ROBO2: variants seen among roughly 807,000 people sequenced by gnomAD.
The protein encoded by ROBO2 is roundabout homolog 2.
ROBO2 carries 53 observed loss-of-function variants against 160.8 expected under a neutral mutation model. The ratio of observed to expected loss-of-function variants is 0.33; its 90% CI spans 0.26 to 0.41. ROBO2 has a LOEUF of 0.41. ROBO2 is among the 10% of genes least tolerant of loss of function. The probability of loss-of-function intolerance (pLI) is 1.00; values close to 1 mark genes in which losing one functional copy is unlikely to be tolerated. For missense variants in ROBO2, 1,577 were observed against 1,722.4 expected (o/e 0.92, Z 1.49); for synonymous variants, 664 against 611.7 (o/e 1.09, Z -1.26).
intron 2 of ROBO2, among the ~76,000 whole-genome samples, chr3:76,268,426 T>C (rs868156929): frequency 1.1e-4 from 16 of 152,190 alleles, no homozygotes; most frequent in African/African-American, 3.9e-4. Context: ...CTCGCATTTC[T>C]GGAGAATGGA....
chr3:77,149,210 A>T (rs1553798729), intron 2 of ROBO2, among the ~76,000 whole-genome samples: 1 of 151,140 alleles, frequency 6.6e-6, no homozygotes, highest in Non-Finnish European at 1.5e-5. Context: ...AATTTTTTGT[A>T]TTTTTTAGTA....
intron 2 of ROBO2, among the ~76,000 whole-genome samples, chr3:76,274,135 T>C (rs1208935849): frequency 6.6e-6 from 1 of 152,126 alleles, no homozygotes; most frequent in East Asian, 1.9e-4. Flanking sequence ...TTATCGTGAG[T>C]TTTGGATGGG....
intron 2 of ROBO2, among the ~76,000 whole-genome samples, chr3:77,311,965 AAT>A (rs2063578938): frequency 6.6e-6 from 1 of 152,116 alleles, no homozygotes; most frequent in African/African-American, 2.4e-5. Context: ...GCATACCTGT[AAT>A]CCCAGCTACT....
intron 2 of ROBO2, among the ~76,000 whole-genome samples, chr3:76,085,116 T>C (rs6809914): frequency 0.3 from 40,859 of 135,588 alleles, 7,387 homozygotes; most frequent in African/African-American, 0.57. Context: ...TATATATATA[T>C]ACACACACAC....
intron 24 of ROBO2, among the ~76,000 whole-genome samples, chr3:77,636,376 A>G (rs867387082): frequency 1.3e-5 from 2 of 151,878 alleles, no homozygotes; most frequent in Non-Finnish European, 2.9e-5. Flanking sequence ...GGCAGATCAC[A>G]GGGTCAGAAG....
At chr3:76,937,567 A>T (rs932417860) in intron 2 of ROBO2, among the ~76,000 whole-genome samples, 4 of 145,218 alleles carry the variant, frequency 2.8e-5, no homozygotes, top group African/African-American at 1.1e-4. Context: ...AAAGCCAATA[A>T]AATAAAATAG....
intron 2 of ROBO2, among the ~76,000 whole-genome samples, chr3:76,500,868 C>A (rs748636797): frequency 1.3e-5 from 2 of 152,038 alleles, no homozygotes; most frequent in Admixed American, 6.6e-5. Flanking sequence ...TGATAGGTAT[C>A]CAGTATAGCA....
At chr3:76,419,724 C>T (rs1021074033) in intron 2 of ROBO2, among the ~76,000 whole-genome samples, 25 of 152,086 alleles carry the variant, frequency 1.6e-4, no homozygotes, top group African/African-American at 5.5e-4. Flanking sequence ...TGCATCAGGG[C>T]GATTTAGCCT....
chr3:76,811,101 A>G (rs899895294), intron 2 of ROBO2, among the ~76,000 whole-genome samples: 1 of 152,082 alleles, frequency 6.6e-6, no homozygotes, highest in Non-Finnish European at 1.5e-5. Context: ...TTTCAAAATG[A>G]TTTTTATTAT....
chr3:77,349,833 G>T (rs1447647873), intron 2 of ROBO2, among the ~76,000 whole-genome samples: 2 of 151,942 alleles, frequency 1.3e-5, no homozygotes, highest in African/African-American at 2.4e-5. Flanking sequence ...TTGCAATCGT[G>T]ATCACAAAAC....
chr3:75,909,130 G>A (rs1262596922), intron 1 of ROBO2, among the ~76,000 whole-genome samples: 1 of 152,196 alleles, frequency 6.6e-6, no homozygotes, highest in Non-Finnish European at 1.5e-5. Flanking sequence ...TTATTGATAA[G>A]TACTTTGGTG....
chr3:77,303,225 A>G (rs2062808330), intron 2 of ROBO2, among the ~76,000 whole-genome samples: 1 of 152,178 alleles, frequency 6.6e-6, no homozygotes, highest in African/African-American at 2.4e-5. Flanking sequence ...GGTATGGAGT[A>G]CCATATTAAT....
intron 2 of ROBO2, among the ~76,000 whole-genome samples, chr3:76,935,630 A>C (rs2077649244): frequency 6.6e-6 from 1 of 152,180 alleles, no homozygotes; most frequent in Admixed American, 6.6e-5. Flanking sequence ...GAGAAGTCCA[A>C]GATCAAGGTG....
intron 23 of ROBO2, among the ~76,000 whole-genome samples, chr3:77,622,887 A>G (rs963814190): frequency 6.6e-6 from 1 of 152,188 alleles, no homozygotes; most frequent in Non-Finnish European, 1.5e-5. Context: ...AAGGTTGCAC[A>G]AGGTATTATT....
intron 2 of ROBO2, among the ~76,000 whole-genome samples, chr3:76,070,112 A>T (rs557888701): frequency 4.7e-4 from 72 of 152,216 alleles, no homozygotes; most frequent in Non-Finnish European, 9.0e-4. Flanking sequence ...GTGTTTAAGC[A>T]ATATGAAATC....
chr3:77,480,607 G>T (rs563429135), intron 3 of ROBO2, among the ~76,000 whole-genome samples: 2 of 152,206 alleles, frequency 1.3e-5, no homozygotes, highest in East Asian at 3.9e-4. Flanking sequence ...GTTGAAATGT[G>T]AATTCTAGGG....
At chr3:76,449,513 C>G (rs377605216) in intron 2 of ROBO2, among the ~76,000 whole-genome samples, 2 of 152,062 alleles carry the variant, frequency 1.3e-5, no homozygotes, top group African/African-American at 4.8e-5. Flanking sequence ...TTCATAAGAA[C>G]TTTCTTAACC....
intron 2 of ROBO2, among the ~76,000 whole-genome samples, chr3:77,256,627 C>CA (rs2058433575): frequency 6.6e-6 from 1 of 152,040 alleles, no homozygotes; most frequent in Non-Finnish European, 1.5e-5. Context: ...AGCATTAGTA[C>CA]AAAAAACTAT....
chr3:77,128,129 G>A (rs1239783219), intron 2 of ROBO2, among the ~76,000 whole-genome samples: 1 of 152,212 alleles, frequency 6.6e-6, no homozygotes, highest in Non-Finnish European at 1.5e-5. Context: ...ATTTATTTAA[G>A]CAGGTGATTA....
Sources: gnomAD v4.1 joint callset for allele counts (sites outside exome capture counted in the v4.1 genomes callset) on GRCh38, gnomAD v4.1.1 for gene constraint, MANE v1.5 for transcripts, NCBI Gene and HGNC (gene_info 2026-07-23, HGNC 2026-07-21) for gene names.